ARAP3: variants seen among roughly 807,000 people sequenced by gnomAD.
ARAP3 encodes the protein arf-GAP with Rho-GAP domain, ANK repeat and PH domain-containing protein 3.
ARAP3 carries 82 observed loss-of-function variants against 169.2 expected under a neutral mutation model. That is an observed-to-expected ratio of 0.48 (90% CI 0.41 to 0.58). The LOEUF (loss-of-function observed/expected upper bound fraction) is 0.58, where lower values mean the gene tolerates loss of function less well. Ranked by LOEUF, ARAP3 falls within the 20% of genes least tolerant of loss-of-function variation. The probability of loss-of-function intolerance (pLI) is 0.00; values close to 1 mark genes in which losing one functional copy is unlikely to be tolerated. For missense variants in ARAP3, 1,764 were observed against 2,018.0 expected, an observed-to-expected ratio of 0.87 and a Z score of 2.41; for synonymous variants, 791 against 800.3, an observed-to-expected ratio of 0.99 and a Z score of 0.20.
chr5:141,678,366 A>C (rs1248647895), intron 4 of ARAP3, among the ~76,000 whole-genome samples: 2 of 152,122 alleles, frequency 1.3e-5, no homozygotes, highest in African/African-American at 4.8e-5. Context: ...CCCTTTGGGC[A>C]CACACCCGCC....
intron 1 of ARAP3, 76 bp from the exon 2 acceptor site, chr5:141,680,579 C>T (rs2099912823): frequency 6.9e-7 from 1 of 1,453,042 alleles, no homozygotes. Context: ...GAGGCCTGGA[C>T]AGTGAGCACC....
rs2099911972 is a variant in ARAP3, at chr5:141,675,046, C to CAA, written c.699-1239_699-1238insTT. 2.0e-5 allele frequency among the ~76,000 whole-genome samples: 3 copies of CAA among 152,244 alleles called. No homozygotes were observed. The South Asian group carries it at 6.2e-4, about 31-fold the overall frequency. On this transcript the variant is annotated intron_variant, in intron 4 of 32. Coordinates refer to ENST00000239440, the MANE Select transcript of ARAP3 (RefSeq NM_022481.6). Reference sequence around the variant, plus strand: ...CTTGTACAGTGAGGCCCGTAGGCCACTCCCCTGACTGCATCCTGTGTTGCC... The same window carrying CAA: ...CTTGTACAGTGAGGCCCGTAGGCCACAATCCCCTGACTGCATCCTGTGTTGCC...
chr5:141,655,364 A>G lies in ARAP3; in HGVS notation c.4147T>C (p.Phe1383Leu), dbSNP rs1220357148. ...GCTGGAGCAGGCACAATACTCACAA[A>G]GAACATGGACAGGGTCCTCCGGTTG... ...LHNRRTLSMF[F>L]PMKSSQGSVE... The change falls in exon 32 of 33, where the codon TTT (phenylalanine) becomes CTT (leucine). Residue 1383 changes from phenylalanine (F) to leucine (L), a missense_variant and splice_region_variant. By Grantham distance (22) the Phe-to-Leu change is conservative (BLOSUM62 0). Around this residue, in one of 3 missense-constraint regions of ARAP3, gnomAD observed 1,112 missense variants for 1,285.7 expected, o/e 0.86. Coordinates refer to ENST00000239440, the MANE Select transcript of ARAP3 (RefSeq NM_022481.6). 6.3e-7 allele frequency: 1 copy of G among 1,580,770 alleles called. No individual in the cohort carries two copies. Among genetic ancestry groups the G allele is most frequent in the Non-Finnish European group, 8.6e-7 (1 of 1,162,968 alleles).
At chr5:141,655,209 A>ACACACC in intron 32 of ARAP3, among the ~76,000 whole-genome samples, 153 bp downstream of exon 32, 1 of 127,638 alleles carries the variant, frequency 7.8e-6, no homozygotes. Flanking sequence ...ACACACACAC[A>ACACACC]CACACCCTGA....
intron 21 of ARAP3, 134 bp downstream of exon 21, chr5:141,661,550 C>T (rs771059580): frequency 1.3e-5 from 12 of 914,568 alleles, no homozygotes; most frequent in Non-Finnish European, 2.0e-5. Flanking sequence ...TTCTCTGAAC[C>T]TTAGTGCTAT....
Position 141,666,497 on chromosome 5 carries a change from G to A in ARAP3, c.2499C>T (p.Phe833=), listed in dbSNP as rs995499727. ...GFGLLRGDHL[F]LCSAPGPGPP... is the part of the protein sequence containing the mutation. Reference sequence around the variant, plus strand: ...GGCCTGGGCCCGGCGCTGAGCACAGGAAGAGGTGGTCACCACGAAGGAGGC... The same window carrying A: ...GGCCTGGGCCCGGCGCTGAGCACAGAAAGAGGTGGTCACCACGAAGGAGGC... The change falls in exon 17 of 33, where the codon TTC becomes TTT. Residue 833 remains phenylalanine (F), a synonymous_variant. Coordinates refer to ENST00000239440, the MANE Select transcript of ARAP3 (RefSeq NM_022481.6). 1 of 1,603,864 alleles carries A rather than the reference G, an allele frequency of 6.2e-7. No individual in the cohort carries two copies. Among genetic ancestry groups the A allele is most frequent in the Non-Finnish European group, 8.5e-7 (1 of 1,175,196 alleles).
At position 141,680,262 on chromosome 5, in the gene ARAP3, T is replaced by G; in HGVS notation, c.225A>C (p.Ser75=). 6.2e-7 allele frequency: 1 copy of G among 1,614,180 alleles called. No individual in the cohort carries two copies. The highest frequency in any genetic ancestry group is 8.5e-7 in the Non-Finnish European group (1 of 1,180,008). Residue 75 remains serine, a synonymous_variant, in exon 2 of 33, where the codon TCA becomes TCC. Transcript: ENST00000239440. ...TGGGGGATGGTTCCATGGCACTATC[T>G]GATTTGGGATCCAGGGAGCCCTCTT... The part of the protein sequence containing the change: ...GTEEGSLDPK[S]DSAMEPSPSP...
intron 16 of ARAP3, among the ~76,000 whole-genome samples, chr5:141,667,434 T>TC (rs1379846096): frequency 6.9e-6 from 1 of 145,104 alleles, no homozygotes; most frequent in African/African-American, 2.5e-5. Context: ...GTACTTTCTT[T>TC]CTTTTTTTTT....
Position 141,655,762 on chromosome 5 carries a change from G to C in ARAP3, c.3973-4C>G. 6.2e-7 allele frequency: 1 copy of C among 1,614,210 alleles called. No homozygotes were observed. The highest frequency in any genetic ancestry group is 8.5e-7 in the Non-Finnish European group (1 of 1,180,028). On this transcript the variant is annotated splice_polypyrimidine_tract_variant and splice_region_variant and intron_variant, in intron 30 of 32. Transcript: ENST00000239440. ...CCACTGGCTGCTGGTCATCGTGCTG[G>C]TGGGAGCGTGAGGGGTTGGCATCAG...
In ARAP3 at chr5:141,672,915, G is replaced by T; in HGVS notation, c.1104C>A (p.Asp368Glu). Residue 368 changes from aspartate (D) to glutamate (E), a missense_variant, in exon 8 of 33, where the codon GAC becomes GAA. Around this residue, in one of 3 missense-constraint regions of ARAP3, gnomAD observed 630 missense variants for 678.7 expected, o/e 0.93. Transcript: ENST00000239440. This position sits in a 1 kb window ranked among gnomAD's most constrained non-coding sequence, Gnocchi z 4.9. The part of the protein sequence containing the change: ...VFRTESEAQR[D>E]MWCSTLQSCL... ...AGGACTGCAGCGTGGAGCACCACAT[G>T]TCCCGCTGAGCTGGTGGGGATGGAG... 6.2e-7 allele frequency: 1 copy of T among 1,610,912 alleles called. No homozygotes were observed. Among genetic ancestry groups the T allele is most frequent in the Admixed American group, 1.7e-5 (1 of 59,714 alleles).
intron 4 of ARAP3, among the ~76,000 whole-genome samples, chr5:141,676,119 G>A (rs2099912149): frequency 6.6e-6 from 1 of 152,106 alleles, no homozygotes; most frequent in African/African-American, 2.4e-5. Flanking sequence ...CAGCACTTTG[G>A]CAGGCGGATC....
Position 141,662,210 on chromosome 5 carries a change from C to T in ARAP3, c.2846G>A (p.Arg949His), listed in dbSNP as rs1243860468. 4.3e-6 allele frequency: 7 copies of T among 1,614,204 alleles called. No individual in the cohort carries two copies. The highest frequency in any genetic ancestry group is 1.1e-5 in the South Asian group (1 of 91,084). The part of the protein sequence containing the change: ...GVYRKGGARA[R>H]SLRLLAEFRR... ...GAACTCAGCCAGGAGTCTCAGGCTG[C>T]GGGCACGAGCGCCCCCTTTCCGGTA... The change falls in exon 20 of 33, where the codon CGC becomes CAC. Residue 949 changes from arginine (R) to histidine (H), a missense_variant. By Grantham distance (29) the Arg-to-His change is conservative (BLOSUM62 0). Around this residue, in one of 3 missense-constraint regions of ARAP3, gnomAD observed 1,112 missense variants for 1,285.7 expected, o/e 0.86. Transcript: ENST00000239440.
At chr5:141,658,186 A>G (rs1295771940) in intron 25 of ARAP3, among the ~76,000 whole-genome samples, 179 bp downstream of exon 25, 1 of 152,126 alleles carries the variant, frequency 6.6e-6, no homozygotes, top group African/African-American at 2.4e-5. Flanking sequence ...AAGATGGAAG[A>G]ATACTGAGAA....
chr5:141,655,433 G>T, intron 31 of ARAP3, 33 bp from the exon 32 acceptor site: 2 of 1,586,288 alleles, frequency 1.3e-6, no homozygotes, highest in Non-Finnish European at 8.6e-7. Context: ...CAAGGGGAAG[G>T]AAAGACATAA....
Position 141,653,800 on chromosome 5 carries a change from G to C in ARAP3, c.*150C>G. 8.9e-7 allele frequency: 1 copy of C among 1,125,176 alleles called. No homozygotes were observed. 69.7% of individuals were successfully genotyped at this position (1,125,176 alleles called of 1,614,324 possible). Reference sequence around the variant, plus strand: ...GCCATGACCTGTCCTGGGACACGCAGCCACTGAAGCCTTTAGTCCAGTGCT... The same window carrying C: ...GCCATGACCTGTCCTGGGACACGCACCCACTGAAGCCTTTAGTCCAGTGCT... On this transcript the variant is annotated 3_prime_UTR_variant, in exon 33 of 33. Coordinates refer to ENST00000239440, the MANE Select transcript of ARAP3 (RefSeq NM_022481.6).
At position 141,659,791 on chromosome 5, in the gene ARAP3, G is replaced by C; in HGVS notation, c.3255C>G (p.Ile1085Met). ...AGGAAAGCCTTACATCAAAGACAGAGATGTAGCCATCAATGAGCTCTTGCA... is the reference window on the plus strand; with the variant it reads ...AGGAAAGCCTTACATCAAAGACAGACATGTAGCCATCAATGAGCTCTTGCA... The part of the protein sequence containing the change: ...RVLQELIDGY[I>M]SVFDIDSDQV... Residue 1085 changes from isoleucine (I) to methionine (M), a missense_variant, in exon 22 of 33, where the codon ATC becomes ATG. Physicochemically the swap from Ile to Met is conservative, Grantham distance 10. Transcript: ENST00000239440. The C allele has an allele frequency of 6.2e-7, 1 of 1,612,576 alleles. No individual in the cohort carries two copies. Among genetic ancestry groups the C allele is most frequent in the Non-Finnish European group, 8.5e-7 (1 of 1,179,126 alleles).
At position 141,672,599 on chromosome 5, in the gene ARAP3, C is replaced by T; in HGVS notation, c.1338G>A (p.Glu446=). The T allele has an allele frequency of 6.2e-7, 1 of 1,614,062 alleles. No homozygotes were observed. Among genetic ancestry groups the T allele is most frequent in the Non-Finnish European group, 8.5e-7 (1 of 1,179,924 alleles). Residue 446 remains glutamate (E), a synonymous_variant, in exon 9 of 33, where the codon GAG becomes GAA. Transcript: ENST00000239440. The surrounding 1 kb of genome is among the most constrained non-coding windows in gnomAD (Gnocchi z 4.9). ...GCAGGTCAAAGCTTCGACTCTTGGT[C>T]TCCCGGACGCTGCAGCCCTGCAGTT... ...FIELQGCSVR[E]TKSRSFDLLT...
At chr5:141,677,105 T>G (rs1394662430) in intron 4 of ARAP3, among the ~76,000 whole-genome samples, 1 of 152,134 alleles carries the variant, frequency 6.6e-6, no homozygotes, top group African/African-American at 2.4e-5. Flanking sequence ...AGTAGCCACG[T>G]TTAAAAAAAT....
chr5:141,670,136 T>C, intron 14 of ARAP3, 73 bp from the exon 15 acceptor site: 1 of 1,546,652 alleles, frequency 6.5e-7, no homozygotes, highest in Non-Finnish European at 8.7e-7. Flanking sequence ...TTACCAGATA[T>C]TTATTCTGTG....
Sources: gnomAD v4.1 joint callset for allele counts (sites outside exome capture counted in the v4.1 genomes callset) on GRCh38, gnomAD v4.1.1 for gene constraint, gnomAD v4.1.1 regional missense constraint, Gnocchi (gnomAD v3.1) non-coding constraint, MANE v1.5 for transcripts, NCBI Gene and HGNC (gene_info 2026-07-23, HGNC 2026-07-21) for gene names.